CSMD1: variants seen among roughly 807,000 people sequenced by gnomAD.
The protein encoded by CSMD1 is CUB and sushi domain-containing protein 1.
Under a neutral mutation model 417.5 loss-of-function variants are expected in CSMD1, and 213 were observed. The ratio of observed to expected loss-of-function variants is 0.51; its 90% CI spans 0.46 to 0.57. The LOEUF is 0.57. Ranked by LOEUF, CSMD1 falls within the 20% of genes least tolerant of loss-of-function variation. The probability of loss-of-function intolerance (pLI) is 0.00; values close to 1 mark genes in which losing one functional copy is unlikely to be tolerated. For synonymous variants in CSMD1, 2,862 were observed against 1,736.8 expected, an observed-to-expected ratio of 1.65 and a Z score of -16.11; for missense variants, 6,923 against 4,529.7, an observed-to-expected ratio of 1.53 and a Z score of -15.17.
At chr8:3,214,066 G>A (rs565115706) in intron 30 of CSMD1, among the ~76,000 whole-genome samples, 18 of 151,952 alleles carry the variant, frequency 1.2e-4, no homozygotes, top group Admixed American at 8.5e-4. Flanking sequence ...GGCTGGTCTC[G>A]AACTCCTAAC....
intron 3 of CSMD1, among the ~76,000 whole-genome samples, chr8:4,154,498 C>G (rs926417478): frequency 6.6e-6 from 1 of 152,138 alleles, no homozygotes; most frequent in African/African-American, 2.4e-5. Context: ...AAGTTCAAAA[C>G]TGTGTGCAGA....
intron 3 of CSMD1, among the ~76,000 whole-genome samples, chr8:4,159,782 G>T (rs563571505): frequency 6.6e-6 from 1 of 152,108 alleles, no homozygotes; most frequent in Non-Finnish European, 1.5e-5. Flanking sequence ...TAGAGATGGG[G>T]TTTCACCGTG....
In CSMD1 at chr8:4,312,381, A is replaced by G. The variant is rs1479729450; in HGVS notation, c.415+107572T>C. On this transcript the variant is annotated intron_variant, in intron 3 of 69. Coordinates refer to ENST00000635120, the MANE Select transcript of CSMD1 (RefSeq NM_033225.6). ...TAATTACTTTTAATGGAACAAATAT[A>G]TATATATATATACATACATATATAT... Among the ~76,000 whole-genome samples the G allele has an allele frequency of 4.9e-5, 3 of 61,240 alleles. No homozygotes were observed. In the East Asian group the frequency reaches 2.1e-3, roughly 43 times the overall value. The allele number at this position is 61,240 out of a possible 152,430, so 40.2% of individuals were successfully genotyped here. A position where few individuals can be genotyped will look rare whatever the true frequency, so the allele number is the denominator to read the frequency against.
At chr8:3,399,090 G>C (rs1036528001) in intron 16 of CSMD1, among the ~76,000 whole-genome samples, 2 of 152,078 alleles carry the variant, frequency 1.3e-5, no homozygotes, top group African/African-American at 4.8e-5. Flanking sequence ...CAGACATCAA[G>C]CTGAATTGAT....
chr8:4,164,160 G>C (rs1416953073), intron 3 of CSMD1, among the ~76,000 whole-genome samples: 1 of 150,462 alleles, frequency 6.6e-6, no homozygotes, highest in African/African-American at 2.5e-5. Context: ...GTAATCATTA[G>C]ATTATATGAG....
chr8:3,412,697 C>G (rs1364827935), intron 12 of CSMD1, among the ~76,000 whole-genome samples: 1 of 152,192 alleles, frequency 6.6e-6, no homozygotes, highest in Non-Finnish European at 1.5e-5. Context: ...TCTACGAAAG[C>G]AAAATGTTCC....
intron 50 of CSMD1, among the ~76,000 whole-genome samples, chr8:3,036,776 C>T (rs979226653): frequency 3.9e-5 from 6 of 152,126 alleles, no homozygotes; most frequent in Non-Finnish European, 7.3e-5. Context: ...AAAACCCGTC[C>T]ACCAAGACAA....
At chr8:4,914,434 C>T (rs183738751) in intron 1 of CSMD1, among the ~76,000 whole-genome samples, 127 of 151,840 alleles carry the variant, frequency 8.4e-4, no homozygotes, top group African/African-American at 2.9e-3. Context: ...AAAAATTAAC[C>T]GGGTGAGGTG....
At chr8:4,741,263 C>A (rs1810589645) in intron 1 of CSMD1, among the ~76,000 whole-genome samples, 1 of 152,120 alleles carries the variant, frequency 6.6e-6, no homozygotes, top group Non-Finnish European at 1.5e-5. Context: ...AGAAGAGCAT[C>A]TTTGTGAAAA....
At chr8:3,090,786 T>C (rs914946428) in intron 48 of CSMD1, among the ~76,000 whole-genome samples, 6 of 152,188 alleles carry the variant, frequency 3.9e-5, no homozygotes, top group African/African-American at 1.2e-4. Context: ...TGCTTAGTAA[T>C]TGAAATGTGC....
At chr8:3,290,240 T>C (rs943275164) in intron 25 of CSMD1, among the ~76,000 whole-genome samples, 23 of 144,160 alleles carry the variant, frequency 1.6e-4, no homozygotes, top group African/African-American at 4.5e-4. Context: ...CCTTGTAGTG[T>C]AGTATGAAGT....
At chr8:3,555,724 T>G (rs1167414813) in intron 10 of CSMD1, among the ~76,000 whole-genome samples, 1 of 152,220 alleles carries the variant, frequency 6.6e-6, no homozygotes, top group African/African-American at 2.4e-5. Flanking sequence ...TATTTGAGTT[T>G]TCTGTTCATT....
At chr8:4,890,506 G>C (rs1321399733) in intron 1 of CSMD1, among the ~76,000 whole-genome samples, 2 of 150,836 alleles carry the variant, frequency 1.3e-5, no homozygotes, top group Non-Finnish European at 2.9e-5. Context: ...GGGTATCCTG[G>C]GCAGGACAGG....
chr8:4,145,500 G>A (rs575587169), intron 3 of CSMD1, among the ~76,000 whole-genome samples: 1 of 151,186 alleles, frequency 6.6e-6, no homozygotes, highest in African/African-American at 2.5e-5. Flanking sequence ...TGTGAGCCCT[G>A]TCACCCTCAA....
chr8:3,173,848 A>T (rs772852632), intron 37 of CSMD1, among the ~76,000 whole-genome samples: 6 of 152,204 alleles, frequency 3.9e-5, no homozygotes, highest in Non-Finnish European at 7.3e-5. Context: ...TAATAATTTG[A>T]ATGTGCTTAT....
At chr8:4,688,746 A>G (rs766196110) in intron 1 of CSMD1, among the ~76,000 whole-genome samples, 1 of 152,148 alleles carries the variant, frequency 6.6e-6, no homozygotes, top group Non-Finnish European at 1.5e-5. Context: ...GCAGTGAGTC[A>G]ATTACAGCAC....
At chr8:4,948,004 C>G (rs143102356) in intron 1 of CSMD1, among the ~76,000 whole-genome samples, 1 of 151,972 alleles carries the variant, frequency 6.6e-6, no homozygotes, top group African/African-American at 2.4e-5. Context: ...GAACTTTCTT[C>G]CACATGTCAG....
At chr8:4,178,860 C>G (rs982390474) in intron 3 of CSMD1, among the ~76,000 whole-genome samples, 1 of 152,034 alleles carries the variant, frequency 6.6e-6, no homozygotes, top group Non-Finnish European at 1.5e-5. Context: ...CTTAGAAATC[C>G]AACTTACAAG....
At chr8:3,531,987 G>C (rs970389786) in intron 10 of CSMD1, among the ~76,000 whole-genome samples, 4 of 152,180 alleles carry the variant, frequency 2.6e-5, no homozygotes, top group African/African-American at 7.2e-5. Context: ...GGATCCCACA[G>C]ATTCATGCCC....
Sources: allele counts gnomAD v4.1 joint callset (sites outside exome capture counted in the v4.1 genomes callset), GRCh38; gene constraint gnomAD v4.1.1; transcripts MANE v1.5; gene names NCBI Gene and HGNC (gene_info 2026-07-23, HGNC 2026-07-21).